The following ESYT2 variants were observed in gnomAD, a reference collection of about 807,000 sequenced individuals.
ESYT2 encodes the protein extended synaptotagmin-2.
In ESYT2, 54 loss-of-function variants were observed where a neutral mutation model predicts 107.2. The observed-to-expected ratio is 0.50, with a 90% CI of 0.40 to 0.63. The LOEUF (loss-of-function observed/expected upper bound fraction) is 0.63. ESYT2 is among the 30% of genes least tolerant of loss of function. The pLI is 0.00. For missense variants in ESYT2, 1,020 were observed against 1,094.5 expected (o/e 0.93, Z 0.96); for synonymous variants, 491 against 434.1 (o/e 1.13, Z -1.63).
intron 15 of ESYT2, 88 bp from the exon 16 acceptor site, chr7:158,748,368 A>T: frequency 9.3e-7 from 1 of 1,080,006 alleles, no homozygotes; most frequent in Non-Finnish European, 1.4e-6. Context: ...AGAATGAAAA[A>T]TAAAAAGAAA....
rs901794554 is a variant in ESYT2, at chr7:158,829,446, G to C, written c.-28C>G. 144 of 1,189,406 alleles carry C rather than the reference G, an allele frequency of 1.2e-4. No homozygotes were observed. The highest frequency in any genetic ancestry group is 1.4e-4 in the Non-Finnish European group (138 of 962,976). 73.7% of individuals were successfully genotyped at this position (1,189,406 alleles called of 1,614,324 possible). A position where few individuals can be genotyped will look rare whatever the true frequency, so the allele number is the denominator to read the frequency against. ...CCCCGCAGTGCCGCGCTGCCCTCCC[G>C]GCCGAGGCGGGCTGGGTGCTCGCGC... On this transcript the variant is annotated 5_prime_UTR_variant, in exon 1 of 23. Coordinates refer to ENST00000275418, the MANE Select transcript of ESYT2 (RefSeq NM_001367773.1).
Position 158,733,542 on chromosome 7 carries a change from A to T in ESYT2, c.*665T>A, listed in dbSNP as rs1301761384. On this transcript the variant is annotated 3_prime_UTR_variant, in exon 23 of 23. Coordinates refer to ENST00000275418, the MANE Select transcript of ESYT2 (RefSeq NM_001367773.1). ...AATTCTCTTAATATATTACTCAGTT[A>T]TAAAACATTTTTCCTTATAAGCCCT... 6.6e-6 allele frequency: 1 copy of T among 152,266 alleles called. No homozygotes were observed. Among genetic ancestry groups the T allele is most frequent in the African/African-American group, 2.4e-5 (1 of 41,468 alleles). 9.4% of individuals were successfully genotyped at this position (152,266 alleles called of 1,614,324 possible).
At chr7:158,808,692 G>A (rs961084184) in intron 1 of ESYT2, among the ~76,000 whole-genome samples, 1 of 152,012 alleles carries the variant, frequency 6.6e-6, no homozygotes, top group Admixed American at 6.6e-5. Flanking sequence ...GCTCACATCT[G>A]TAATCCCAGG....
chr7:158,798,809 T>C (rs1048727537), intron 2 of ESYT2, among the ~76,000 whole-genome samples: 1 of 152,168 alleles, frequency 6.6e-6, no homozygotes, highest in African/African-American at 2.4e-5. Context: ...GACACAAATA[T>C]GCACATGCCT....
chr7:158,743,045 G>A (rs986329531), intron 17 of ESYT2, among the ~76,000 whole-genome samples: 11 of 152,150 alleles, frequency 7.2e-5, no homozygotes, highest in Non-Finnish European at 1.5e-4. Flanking sequence ...ATGTTTGCCA[G>A]TTTTACTTTC....
intron 4 of ESYT2, 32 bp downstream of exon 4, chr7:158,793,618 C>A: frequency 1.3e-6 from 2 of 1,509,540 alleles, no homozygotes; most frequent in Non-Finnish European, 1.8e-6. Context: ...ACGCCATTAA[C>A]CATAACACAA....
intron 1 of ESYT2, among the ~76,000 whole-genome samples, chr7:158,804,798 G>A (rs72505588): frequency 2.1e-4 from 32 of 151,934 alleles, no homozygotes; most frequent in South Asian, 1.9e-3. Flanking sequence ...GTTGAGAAAG[G>A]TGAGGCGCGT....
chr7:158,800,477 A>G (rs957185231), intron 1 of ESYT2, among the ~76,000 whole-genome samples: 3 of 151,964 alleles, frequency 2.0e-5, no homozygotes, highest in African/African-American at 7.3e-5. Flanking sequence ...GCAGCCTGGA[A>G]CTCCTGGGCC....
At chr7:158,817,949 A>T (rs1840189858) in intron 1 of ESYT2, among the ~76,000 whole-genome samples, 1 of 152,238 alleles carries the variant, frequency 6.6e-6, no homozygotes, top group Non-Finnish European at 1.5e-5. Flanking sequence ...ATGAAGTTAG[A>T]TAATGTTCTC....
chr7:158,761,688 G>T, intron 10 of ESYT2, 144 bp from the exon 11 acceptor site: 2 of 684,846 alleles, frequency 2.9e-6, no homozygotes, highest in Non-Finnish European at 5.0e-6. Flanking sequence ...GCAACAAAAC[G>T]CTAATAATTT....
chr7:158,761,883 T>C (rs1837977977), intron 10 of ESYT2, among the ~76,000 whole-genome samples: 1 of 152,116 alleles, frequency 6.6e-6, no homozygotes, highest in Admixed American at 6.6e-5. Flanking sequence ...CATCAAAAAA[T>C]GTTTGAAAGC....
chr7:158,741,564 G>C lies in ESYT2; in HGVS notation c.2127C>G (p.Ile709Met). The C allele has an allele frequency of 6.2e-7, 1 of 1,603,578 alleles. No homozygotes were observed. Among genetic ancestry groups the C allele is most frequent in the Non-Finnish European group, 8.5e-7 (1 of 1,178,416 alleles). ...PSIASDISLPIATQELRQRLR... is the reference protein window; with the variant it reads ...PSIASDISLPMATQELRQRLR... ...GCCTTTGCCGCAGCTCCTGGGTGGC[G>C]ATGGGCAGCGAGATGTCCGAGGCGA... The change falls in exon 18 of 23, where the codon ATC (isoleucine) becomes ATG (methionine). Residue 709 changes from isoleucine to methionine, a missense_variant. Ile to Met is a conservative substitution (Grantham distance 10). Coordinates refer to ENST00000275418, the MANE Select transcript of ESYT2 (RefSeq NM_001367773.1).
chr7:158,791,714 A>T lies in ESYT2; in HGVS notation c.584+1936T>A, dbSNP rs116958823. ...CCATGTGCTTCCTAGCCATTTCTGT[A>T]TCATCCCTGGAGAAATGTCTGTTCA... On this transcript the variant is annotated intron_variant, in intron 4 of 22. Coordinates refer to ENST00000275418, the MANE Select transcript of ESYT2 (RefSeq NM_001367773.1). Among the ~76,000 whole-genome samples, 1,517 of 152,300 alleles carry T rather than the reference A, an allele frequency of 1.0e-2. 21 individuals are homozygous for T. Among genetic ancestry groups the T allele is most frequent in the Non-Finnish European group, 0.012 (848 of 68,028 alleles).
At chr7:158,782,177 G>A (rs1219994484) in intron 6 of ESYT2, among the ~76,000 whole-genome samples, 2 of 152,020 alleles carry the variant, frequency 1.3e-5, no homozygotes, top group Non-Finnish European at 2.9e-5. Flanking sequence ...AGTGAGGTGT[G>A]AGTGTGAAAG....
chr7:158,773,272 T>C, intron 7 of ESYT2, 69 bp downstream of exon 7: 7 of 1,545,692 alleles, frequency 4.5e-6, no homozygotes, highest in Non-Finnish European at 6.3e-6. Flanking sequence ...CTCACACTAT[T>C]GTCAAGACAT....
intron 4 of ESYT2, among the ~76,000 whole-genome samples, chr7:158,791,997 A>T (rs895978630): frequency 7.3e-6 from 1 of 137,302 alleles, no homozygotes; most frequent in African/African-American, 2.8e-5. Flanking sequence ...TCCTTAGTTT[A>T]TTCCTAAGTA....
chr7:158,754,112 C>A (rs559581984), intron 13 of ESYT2, among the ~76,000 whole-genome samples: 3 of 152,178 alleles, frequency 2.0e-5, no homozygotes, highest in East Asian at 3.8e-4. Context: ...GGTGCCCCGT[C>A]GGGAGGCCTC....
chr7:158,741,816 C>G lies in ESYT2; in HGVS notation c.1875G>C (p.Glu625Asp). Residue 625 changes from glutamate (E) to aspartate (D), a missense_variant, in exon 18 of 23, where the codon GAG becomes GAC. Glu to Asp is a conservative substitution (Grantham distance 45, BLOSUM62 2). Coordinates refer to ENST00000275418, the MANE Select transcript of ESYT2 (RefSeq NM_001367773.1). ...AQVKRPSVSK[E>D]GRKTSIKSHM... ...GAGATTTGATGGATGTTTTCCTCCC[C>G]TCTTTGGACACAGAGGGACGTTTGA... The G allele has an allele frequency of 6.2e-7, 1 of 1,614,098 alleles. No individual in the cohort carries two copies. Among genetic ancestry groups the G allele is most frequent in the Non-Finnish European group, 8.5e-7 (1 of 1,180,022 alleles).
chr7:158,820,079 T>TC (rs1238823162), intron 1 of ESYT2, among the ~76,000 whole-genome samples: 1 of 152,238 alleles, frequency 6.6e-6, no homozygotes, highest in Non-Finnish European at 1.5e-5. Context: ...ACTGCCGTAA[T>TC]CCATTAAACC....
Sources: allele counts gnomAD v4.1 joint callset (sites outside exome capture counted in the v4.1 genomes callset), GRCh38; gene constraint gnomAD v4.1.1; transcripts MANE v1.5; gene names NCBI Gene and HGNC (gene_info 2026-07-23, HGNC 2026-07-21).